ARHGAP26: variants seen among roughly 807,000 people sequenced by gnomAD.
ARHGAP26 encodes the protein Rho GTPase activating protein 26.
Under a neutral mutation model 104.8 loss-of-function variants are expected in ARHGAP26, and 38 were observed. The ratio of observed to expected loss-of-function variants is 0.36; its 90% CI spans 0.28 to 0.48. The LOEUF is 0.48. ARHGAP26 is among the 20% of genes least tolerant of loss of function. The probability of loss-of-function intolerance (pLI) is 0.99; values close to 1 mark genes in which losing one functional copy is unlikely to be tolerated. For missense variants in ARHGAP26, 704 were observed against 947.9 expected (o/e 0.74, Z 3.38); for synonymous variants, 341 against 340.0 (o/e 1.00, Z -0.03).
chr5:142,931,635 C>CT (rs35165195), intron 10 of ARHGAP26, among the ~76,000 whole-genome samples: 4 of 151,826 alleles, frequency 2.6e-5, no homozygotes, highest in Non-Finnish European at 4.4e-5. Context: ...ATTTTCTCCT[C>CT]TTTTTTTTAT....
chr5:143,145,937 A>T (rs888984470), intron 19 of ARHGAP26, among the ~76,000 whole-genome samples: 1 of 152,218 alleles, frequency 6.6e-6, no homozygotes, highest in African/African-American at 2.4e-5. Flanking sequence ...GCAAAGGGAA[A>T]AGTATTTTTA....
At chr5:143,162,683 T>C (rs1245027248) in intron 20 of ARHGAP26, among the ~76,000 whole-genome samples, 1 of 152,222 alleles carries the variant, frequency 6.6e-6, no homozygotes, top group African/African-American at 2.4e-5. Context: ...TTTCATCTAA[T>C]GTTTCCCTTT....
At chr5:142,802,149 A>G (rs1383859650) in intron 1 of ARHGAP26, among the ~76,000 whole-genome samples, 1 of 152,216 alleles carries the variant, frequency 6.6e-6, no homozygotes, top group East Asian at 1.9e-4. Flanking sequence ...TTTTACAGTA[A>G]TGGCTACAAT....
chr5:142,941,473 CT>C, intron 11 of ARHGAP26, among the ~76,000 whole-genome samples: 1 of 152,318 alleles, frequency 6.6e-6, no homozygotes, highest in South Asian at 2.1e-4. Flanking sequence ...TCACCCACCC[CT>C]GATGGCTAGG....
At chr5:142,987,926 A>G (rs991313211) in intron 11 of ARHGAP26, among the ~76,000 whole-genome samples, 1 of 152,140 alleles carries the variant, frequency 6.6e-6, no homozygotes, top group Non-Finnish European at 1.5e-5. Context: ...TTTAGCATTG[A>G]TATTCATCAG....
chr5:143,076,525 C>T (rs1789053038), intron 17 of ARHGAP26, among the ~76,000 whole-genome samples: 2 of 152,176 alleles, frequency 1.3e-5, no homozygotes, highest in Admixed American at 1.3e-4. Flanking sequence ...ATTTATATAA[C>T]AGCTAACATT....
intron 20 of ARHGAP26, among the ~76,000 whole-genome samples, chr5:143,158,834 G>C (rs1172648052): frequency 1.3e-5 from 2 of 152,158 alleles, no homozygotes; most frequent in African/African-American, 4.8e-5. Flanking sequence ...CCCTATACAG[G>C]AGAAGCCTTG....
At position 142,955,171 on chromosome 5, in the gene ARHGAP26, T is replaced by C. The variant is rs912128519; in HGVS notation, c.1107+23046T>C. On this transcript the variant is annotated intron_variant, in intron 11 of 22. Transcript: ENST00000645722. ...CACATACAAGTTTGGTGTGTTGGCA[T>C]GTGCCTTACTCTCAGCTACTCCAGA... 7.2e-5 allele frequency among the ~76,000 whole-genome samples: 11 copies of C among 151,972 alleles called. No individual in the cohort carries two copies. In the South Asian group the frequency reaches 1.0e-3, roughly 14 times the overall value.
chr5:142,931,926 CT>C, intron 10 of ARHGAP26, 120 bp from the exon 11 acceptor site: 1 of 913,466 alleles, frequency 1.1e-6, no homozygotes, highest in Non-Finnish European at 1.8e-6. Context: ...TGTTTTGCCC[CT>C]CTTTGTGTTG....
chr5:143,092,134 C>T (rs1791520475), intron 17 of ARHGAP26, among the ~76,000 whole-genome samples: 1 of 149,934 alleles, frequency 6.7e-6, no homozygotes. Flanking sequence ...CCTCAACTTT[C>T]TGACTTGTTG....
At chr5:143,041,665 C>A in intron 13 of ARHGAP26, 151 bp from the exon 14 acceptor site, 1 of 624,908 alleles carries the variant, frequency 1.6e-6, no homozygotes, top group African/African-American at 1.9e-5. Flanking sequence ...TTGCTAAGAG[C>A]TGAGCTGAGT....
At chr5:142,857,171 G>A (rs773452231) in intron 1 of ARHGAP26, among the ~76,000 whole-genome samples, 1 of 152,066 alleles carries the variant, frequency 6.6e-6, no homozygotes, top group Admixed American at 6.6e-5. Flanking sequence ...TTTAGGACCC[G>A]TCCTAGTCCT....
chr5:143,170,528 C>T (rs1006262887), intron 20 of ARHGAP26: 1 of 152,146 alleles, frequency 6.6e-6, no homozygotes, highest in Non-Finnish European at 1.5e-5. Context: ...ATTTTGTTCT[C>T]AAAGGTTGAA....
At chr5:143,057,559 C>G (rs1321594711) in intron 16 of ARHGAP26, 83 bp from the exon 17 acceptor site, 9 of 1,107,290 alleles carry the variant, frequency 8.1e-6, no homozygotes, top group African/African-American at 1.6e-5. Context: ...TAGTGCTCAT[C>G]CTTTGGTTTC....
rs1335533466 is a variant in ARHGAP26 at position 143,027,178 on chromosome 5, T to G, written c.1145-10018T>G. 6.7e-5 allele frequency among the ~76,000 whole-genome samples: 6 copies of G among 89,892 alleles called. No homozygotes were observed. The African/African-American group carries it at 1.2e-3, about 18-fold the overall frequency. The allele number at this position is 89,892 out of a possible 152,430, so 59.0% of individuals were successfully genotyped here. ...TGTCACCTTCATGATTTTTTGTGTT[T>G]TTTTTTTTTTTGAGATGGAGTCTTA... On this transcript the variant is annotated intron_variant, in intron 12 of 22. Coordinates refer to ENST00000645722, the MANE Select transcript of ARHGAP26 (RefSeq NM_001135608.3).
intron 1 of ARHGAP26, among the ~76,000 whole-genome samples, chr5:142,844,501 CA>C (rs1042623387): frequency 5.3e-5 from 8 of 151,956 alleles, no homozygotes; most frequent in African/African-American, 1.9e-4. Context: ...CCTCTTTACC[CA>C]AAATTCATTT....
intron 13 of ARHGAP26, among the ~76,000 whole-genome samples, chr5:143,038,635 A>G (rs886447038): frequency 1.3e-5 from 2 of 151,254 alleles, no homozygotes; most frequent in Non-Finnish European, 2.9e-5. Context: ...GTAGTAAAAA[A>G]CTGTGAATCA....
chr5:143,003,283 A>C (rs957324106), intron 11 of ARHGAP26, among the ~76,000 whole-genome samples: 13 of 152,182 alleles, frequency 8.5e-5, no homozygotes, highest in African/African-American at 3.1e-4. Context: ...ATATCAGCTT[A>C]ATTTGAAATT....
At chr5:143,207,343 G>A in intron 21 of ARHGAP26, 35 bp downstream of exon 21, 3 of 1,614,138 alleles carry the variant, frequency 1.9e-6, no homozygotes, top group Non-Finnish European at 2.5e-6. Flanking sequence ...TTCTGTTGCT[G>A]CCGTTGTTCT....
Sources: gnomAD v4.1 joint callset for allele counts (sites outside exome capture counted in the v4.1 genomes callset) on GRCh38, gnomAD v4.1.1 for gene constraint, MANE v1.5 for transcripts, NCBI Gene and HGNC (gene_info 2026-07-23, HGNC 2026-07-21) for gene names.